The following PHF24 variants were observed in gnomAD, a reference collection of about 807,000 sequenced individuals.
PHF24 encodes Galpha inhibitory interacting protein.
A neutral mutation model predicts 42.6 loss-of-function variants in PHF24; 25 were observed. The ratio of observed to expected loss-of-function variants is 0.59; its 90% CI spans 0.43 to 0.82. The LOEUF (loss-of-function observed/expected upper bound fraction) is 0.82, where lower values mean the gene tolerates loss of function less well. Ranked by LOEUF, PHF24 falls within the 40% of genes least tolerant of loss-of-function variation. PHF24 has a pLI of 0.00. For missense variants in PHF24, 470 were observed against 538.1 expected (o/e 0.87, Z 1.25); for synonymous variants, 185 against 204.8 (o/e 0.90, Z 0.83).
chr9:34,977,510 A>G (rs1046999257), intron 6 of PHF24, 36 bp from the exon 7 acceptor site: 1 of 1,570,064 alleles, frequency 6.4e-7, no homozygotes, highest in Non-Finnish European at 8.7e-7. Flanking sequence ...GCATTTCACT[A>G]TCCCACTCCT....
chr9:34,737,653 C>A, the PHF24 span, among the ~76,000 whole-genome samples: 1 of 152,154 alleles, frequency 6.6e-6, no homozygotes, highest in African/African-American at 2.4e-5. Flanking sequence ...TACATTTTCA[C>A]CAACAATGTA....
intron 1 of PHF24, among the ~76,000 whole-genome samples, chr9:34,968,855 C>A (rs1483675819): frequency 6.6e-6 from 1 of 152,196 alleles, no homozygotes; most frequent in Non-Finnish European, 1.5e-5. Context: ...ATAGGGGAAA[C>A]TGACATTGAT....
chr9:34,759,330 A>G, the PHF24 span, among the ~76,000 whole-genome samples: 1 of 152,134 alleles, frequency 6.6e-6, no homozygotes, highest in Non-Finnish European at 1.5e-5. Flanking sequence ...TCCCTGAGGC[A>G]CCAACACCTC....
the PHF24 span, chr9:34,724,104 C>T: frequency 1.3e-6 from 2 of 1,528,744 alleles, no homozygotes; most frequent in East Asian, 4.9e-5. Context: ...TCTCTGTTTC[C>T]TGCTAGCATG....
the PHF24 span, among the ~76,000 whole-genome samples, chr9:34,762,966 A>C: frequency 6.6e-6 from 1 of 152,070 alleles, no homozygotes; most frequent in Non-Finnish European, 1.5e-5. Context: ...TCCTTTCCCC[A>C]TTGCTTGTTT....
the PHF24 span, among the ~76,000 whole-genome samples, chr9:34,933,004 T>TCC: frequency 0.01 from 1,024 of 97,668 alleles, 8 homozygotes; most frequent in Middle Eastern, 0.041. Flanking sequence ...TTTTTTTTTT[T>TCC]CAAAGAGACA....
At chr9:34,797,744 G>A in the PHF24 span, among the ~76,000 whole-genome samples, 1 of 151,860 alleles carries the variant, frequency 6.6e-6, no homozygotes, top group Non-Finnish European at 1.5e-5. Context: ...ATAGGCACAG[G>A]ATGGGGGCGC....
At chr9:34,838,860 T>C in the PHF24 span, among the ~76,000 whole-genome samples, 1 of 152,198 alleles carries the variant, frequency 6.6e-6, no homozygotes, top group Admixed American at 6.5e-5. Flanking sequence ...AGGGGCACCT[T>C]ATGAGAAGGG....
chr9:34,777,092 CCCATT>C, the PHF24 span, among the ~76,000 whole-genome samples: 1 of 152,076 alleles, frequency 6.6e-6, no homozygotes, highest in African/African-American at 2.4e-5. Context: ...GTCTTTGGGC[CCCATT>C]GGTGGCAGCA....
At chr9:34,726,809 G>C in the PHF24 span, 2 of 1,551,794 alleles carry the variant, frequency 1.3e-6, no homozygotes, top group Non-Finnish European at 1.7e-6. Context: ...CATACTAGAC[G>C]TAGACAGCAT....
At chr9:34,765,352 A>T in the PHF24 span, among the ~76,000 whole-genome samples, 1 of 148,360 alleles carries the variant, frequency 6.7e-6, no homozygotes, top group African/African-American at 2.4e-5. Context: ...TTTGTAGGTC[A>T]CTCAGGACTT....
chr9:34,951,246 G>A, the PHF24 span, among the ~76,000 whole-genome samples: 1 of 152,162 alleles, frequency 6.6e-6, no homozygotes, highest in African/African-American at 2.4e-5. Context: ...GGTTTGACTA[G>A]TGGGTAGGCA....
At chr9:34,764,960 CAGT>C in the PHF24 span, among the ~76,000 whole-genome samples, 7 of 151,956 alleles carry the variant, frequency 4.6e-5, no homozygotes, top group East Asian at 1.3e-3. Context: ...GTTATGTACC[CAGT>C]AGTCATTCAG....
the PHF24 span, chr9:34,835,602 G>T: frequency 6.4e-7 from 1 of 1,551,806 alleles, no homozygotes; most frequent in Non-Finnish European, 8.7e-7. Context: ...TCTCCTCCTG[G>T]TTCAGTGGAG....
At chr9:34,722,251 T>G in the PHF24 span, among the ~76,000 whole-genome samples, 4 of 152,130 alleles carry the variant, frequency 2.6e-5, no homozygotes, top group Non-Finnish European at 2.9e-5. Flanking sequence ...ATTTTCTCGA[T>G]GCATGCTTGA....
At chr9:34,682,063 C>T in the PHF24 span, among the ~76,000 whole-genome samples, 2 of 152,160 alleles carry the variant, frequency 1.3e-5, no homozygotes, top group African/African-American at 4.8e-5. Flanking sequence ...CAGTCTCAAC[C>T]TCCCAGGCTC....
the PHF24 span, among the ~76,000 whole-genome samples, chr9:34,783,360 T>C: frequency 6.6e-6 from 1 of 152,210 alleles, no homozygotes; most frequent in Non-Finnish European, 1.5e-5. Flanking sequence ...AACCATTTAC[T>C]CCTACACAGC....
At chr9:34,705,560 C>A in the PHF24 span, among the ~76,000 whole-genome samples, 1 of 152,180 alleles carries the variant, frequency 6.6e-6, no homozygotes, top group Non-Finnish European at 1.5e-5. Flanking sequence ...GGATTACAGG[C>A]GTAAGCCACT....
the PHF24 span, chr9:34,832,329 A>T: frequency 1.5e-6 from 1 of 659,008 alleles, no homozygotes; most frequent in Admixed American, 2.6e-5. Flanking sequence ...GGCACAAGCC[A>T]CTCAAGGACA....
Sources: gnomAD v4.1 joint callset for allele counts (sites outside exome capture counted in the v4.1 genomes callset) on GRCh38, gnomAD v4.1.1 for gene constraint, MANE v1.5 for transcripts, NCBI Gene and HGNC (gene_info 2026-07-23, HGNC 2026-07-21) for gene names.